The following USP34 variants were observed in gnomAD, a reference collection of about 807,000 sequenced individuals.
USP34 encodes ubiquitin specific peptidase 34, also known as ubiquitin carboxyl-terminal hydrolase 34.
USP34 carries 70 observed loss-of-function variants against 460.3 expected under a neutral mutation model. The observed-to-expected ratio is 0.15, with a 90% confidence interval of 0.13 to 0.19. The LOEUF (loss-of-function observed/expected upper bound fraction) is 0.19. Among genes scored for constraint, USP34 ranks in the 10% least tolerant of loss-of-function variants. The pLI is 1.00. For missense variants in USP34, 3,985 were observed against 4,236.2 expected, an observed-to-expected ratio of 0.94 and a Z score of 1.65; for synonymous variants, 1,647 against 1,405.3, an observed-to-expected ratio of 1.17 and a Z score of -3.85.
In USP34 at chr2:61,349,253, G is replaced by C. The variant is rs538477387; in HGVS notation, c.1540C>G (p.Pro514Ala). The C allele has an allele frequency of 1.2e-6, 2 of 1,613,334 alleles. No homozygotes were observed. The highest frequency in any genetic ancestry group is 1.7e-5 in the Admixed American group (1 of 59,894). Residue 514 changes from proline to alanine, a missense_variant, in exon 13 of 80, where the codon CCT becomes GCT. Around this residue, in one of 14 missense-constraint regions of USP34, gnomAD observed 716 missense variants for 626.2 expected, o/e 1.14. Transcript: ENST00000398571. ...EEELRRTAPS[P>A]WSPAASPQSS... ...GAATTTCTAAGGCTCAACTTACAAG[G>C]TGATGGAGCTGTTCTTCTAAGCTCT...
Position 61,235,872 on chromosome 2 carries a change from C to T in USP34, c.7005G>A (p.Gln2335=). ...MLQWIELLTK[Q]FNNSQAACEW... Reference sequence around the variant, plus strand: ...CACAAGCTGCCTGACTATTATTAAACTGTTTCGTCAACAGTTCAATCCACT... The same window carrying T: ...CACAAGCTGCCTGACTATTATTAAATTGTTTCGTCAACAGTTCAATCCACT... Residue 2335 remains glutamine, a synonymous_variant, in exon 57 of 80, where the codon CAG becomes CAA. Transcript: ENST00000398571. 1 of 1,613,764 alleles carries T rather than the reference C, an allele frequency of 6.2e-7. No individual in the cohort carries two copies. The highest frequency in any genetic ancestry group is 1.1e-5 in the South Asian group (1 of 90,984).
At chr2:61,335,971 G>C (rs1254097789) in intron 18 of USP34, among the ~76,000 whole-genome samples, 5 of 152,118 alleles carry the variant, frequency 3.3e-5, no homozygotes, top group Non-Finnish European at 7.4e-5. Flanking sequence ...CTTCACAGCT[G>C]AAGTTACATA....
chr2:61,215,520 C>T (rs530724164), intron 67 of USP34, among the ~76,000 whole-genome samples: 4 of 152,234 alleles, frequency 2.6e-5, no homozygotes, highest in Admixed American at 1.3e-4. Context: ...TTATTAGTTG[C>T]GCTAACCTGT....
intron 1 of USP34, among the ~76,000 whole-genome samples, chr2:61,442,061 T>C (rs921977572): frequency 1.3e-5 from 2 of 152,118 alleles, no homozygotes; most frequent in South Asian, 2.1e-4. Context: ...CTAGGAAAAC[T>C]GGACATCCAT....
chr2:61,206,156 A>G, intron 71 of USP34, 32 bp from the exon 72 acceptor site: 1 of 1,559,530 alleles, frequency 6.4e-7, no homozygotes, highest in Non-Finnish European at 8.8e-7. Flanking sequence ...TAAATATGCC[A>G]TCTGAGATCA....
At chr2:61,284,789 TAA>T in intron 35 of USP34, 84 bp downstream of exon 35, 1 of 1,103,340 alleles carries the variant, frequency 9.1e-7, no homozygotes, top group South Asian at 2.0e-5. Flanking sequence ...ATTTTTCTAT[TAA>T]GTTTAGAATT....
At chr2:61,283,037 T>G (rs565711526) in intron 37 of USP34, 108 bp downstream of exon 37, 1 of 1,158,778 alleles carries the variant, frequency 8.6e-7, no homozygotes, top group Admixed American at 2.2e-5. Context: ...TAATGTGATA[T>G]ATTTATGGAC....
intron 68 of USP34, among the ~76,000 whole-genome samples, chr2:61,213,422 T>A (rs1334080182): frequency 6.6e-6 from 1 of 152,180 alleles, no homozygotes; most frequent in Non-Finnish European, 1.5e-5. Context: ...GGACGGTCTG[T>A]CTTTAAAGTA....
At chr2:61,189,781 G>A (rs1187564192) in intron 78 of USP34, 2 of 152,862 alleles carry the variant, frequency 1.3e-5, no homozygotes, top group Non-Finnish European at 2.9e-5. Context: ...CATCTGTTTT[G>A]GCTTTTATGC....
intron 8 of USP34, among the ~76,000 whole-genome samples, chr2:61,372,437 T>C (rs922033170): frequency 2.0e-5 from 3 of 152,220 alleles, no homozygotes; most frequent in Non-Finnish European, 2.9e-5. Context: ...AGGACATTAA[T>C]AGAAGACCCA....
At chr2:61,259,283 AAAGT>A (rs542535648) in intron 44 of USP34, among the ~76,000 whole-genome samples, 21 of 151,732 alleles carry the variant, frequency 1.4e-4, no homozygotes, top group Non-Finnish European at 2.4e-4. Context: ...AATAAATAAA[AAAGT>A]AAGAAAAAGA....
intron 39 of USP34, 30 bp downstream of exon 39, chr2:61,280,214 A>T: frequency 8.0e-7 from 1 of 1,249,366 alleles, no homozygotes; most frequent in Non-Finnish European, 1.1e-6. Flanking sequence ...AAGAGAATAC[A>T]TAGAATAGTA....
intron 3 of USP34, among the ~76,000 whole-genome samples, chr2:61,396,154 T>G (rs910346678): frequency 1.3e-5 from 2 of 152,204 alleles, no homozygotes; most frequent in Non-Finnish European, 2.9e-5. Flanking sequence ...TCAACAAACT[T>G]TTTCATGATT....
intron 62 of USP34, chr2:61,223,620 T>C (rs772372088): frequency 4.5e-5 from 10 of 219,790 alleles, no homozygotes; most frequent in Non-Finnish European, 9.0e-5. Flanking sequence ...AATGGACTTC[T>C]AGAAATTAGC....
chr2:61,286,064 G>A (rs1423981457), intron 34 of USP34, among the ~76,000 whole-genome samples: 1 of 152,182 alleles, frequency 6.6e-6, no homozygotes, highest in Non-Finnish European at 1.5e-5. Context: ...AACTAAACCT[G>A]TCCCTGGCAG....
At chr2:61,255,536 A>G (rs1381577544) in intron 48 of USP34, among the ~76,000 whole-genome samples, 1 of 152,238 alleles carries the variant, frequency 6.6e-6, no homozygotes, top group Non-Finnish European at 1.5e-5. Flanking sequence ...AAATGGGGAT[A>G]ATAACAGCAT....
At chr2:61,243,866 CAA>C (rs74868863) in intron 51 of USP34, among the ~76,000 whole-genome samples, 12 of 113,798 alleles carry the variant, frequency 1.1e-4, no homozygotes, top group Non-Finnish European at 9.4e-5. Flanking sequence ...GAGACTGTCT[CAA>C]AAAAAAAAAA....
chr2:61,252,191 T>G (rs564670003), intron 48 of USP34, among the ~76,000 whole-genome samples: 2 of 152,290 alleles, frequency 1.3e-5, no homozygotes, highest in South Asian at 4.1e-4. Context: ...GGAATCAAAG[T>G]ACTTATTTTT....
rs1691758974 is a variant in USP34 at position 61,346,116 on chromosome 2, A to T, written c.2285+1754T>A. 2.6e-5 allele frequency: 4 copies of T among 152,270 alleles called. No homozygotes were observed. In the South Asian group the frequency reaches 8.3e-4, roughly 32 times the overall value. The allele number at this position is 152,270 out of a possible 1,614,324, so 9.4% of individuals were successfully genotyped here. A position where few individuals can be genotyped will look rare whatever the true frequency, so the allele number is the denominator to read the frequency against. On this transcript the variant is annotated intron_variant, in intron 15 of 79. Coordinates refer to ENST00000398571, the MANE Select transcript of USP34 (RefSeq NM_014709.4). ...AATCACAATTTAGGAAAGTTTCCAT[A>T]AGCACTCATATCTTTTTTAGGCATT...
Sources: allele counts gnomAD v4.1 joint callset (sites outside exome capture counted in the v4.1 genomes callset), GRCh38; gene constraint gnomAD v4.1.1; regional missense constraint gnomAD v4.1.1; transcripts MANE v1.5; gene names NCBI Gene and HGNC (gene_info 2026-07-23, HGNC 2026-07-21).